CROCC: variants seen among roughly 807,000 people sequenced by gnomAD.
CROCC encodes the protein rootletin.
Under a neutral mutation model 245.2 loss-of-function variants are expected in CROCC, and 180 were observed. The ratio of observed to expected loss-of-function variants is 0.73; its 90% CI spans 0.65 to 0.83. The LOEUF (loss-of-function observed/expected upper bound fraction) is 0.83. Ranked by LOEUF, CROCC falls within the 40% of genes least tolerant of loss-of-function variation. CROCC has a pLI of 0.00. For missense variants in CROCC, 2,688 were observed against 2,779.4 expected (o/e 0.97, Z 0.74); for synonymous variants, 1,205 against 1,241.6 (o/e 0.97, Z 0.62).
At chr1:16,927,111 A>G (rs1171913081) in intron 3 of CROCC, among the ~76,000 whole-genome samples, 3 of 152,222 alleles carry the variant, frequency 2.0e-5, no homozygotes, top group Non-Finnish European at 4.4e-5. Context: ...CCCCACACAG[A>G]CACACAGATG....
At chr1:16,924,188 G>A (rs2075475784) in intron 2 of CROCC, 137 bp from the exon 3 acceptor site, 24 of 1,105,556 alleles carry the variant, frequency 2.2e-5, no homozygotes, top group Non-Finnish European at 3.1e-5. Flanking sequence ...TCTCAGCTCT[G>A]TTTGCAGGCC....
rs1383462663 is a variant in CROCC, at chr1:16,967,416, T to C, written c.4861-787T>C. Among the ~76,000 whole-genome samples the C allele has an allele frequency of 3.3e-5, 5 of 152,248 alleles. No individual in the cohort carries two copies. In the East Asian group the frequency reaches 7.7e-4, roughly 24 times the overall value. On this transcript the variant is annotated intron_variant, in intron 30 of 36. Coordinates refer to ENST00000375541, the MANE Select transcript of CROCC (RefSeq NM_014675.5). Reference sequence around the variant, plus strand: ...ACCCCCGCCCCCAAGGCCTCTGGCCTGGGGCCGAGCTTAGCTGGATTGTTG... The same window carrying C: ...ACCCCCGCCCCCAAGGCCTCTGGCCCGGGGCCGAGCTTAGCTGGATTGTTG...
chr1:16,968,807 T>G (rs1001685598), intron 31 of CROCC, among the ~76,000 whole-genome samples: 1 of 152,186 alleles, frequency 6.6e-6, no homozygotes, highest in African/African-American at 2.4e-5. Context: ...TTTAGGGTCG[T>G]GGTGGTTTCC....
chr1:16,923,508 C>T (rs1416497185), intron 2 of CROCC, among the ~76,000 whole-genome samples: 5 of 152,356 alleles, frequency 3.3e-5, no homozygotes, highest in East Asian at 1.9e-4. Context: ...TGGACAACCC[C>T]GCTTCTCCCG....
upstream of CROCC, among the ~76,000 whole-genome samples, chr1:16,917,986 C>T (rs1232537215): frequency 1.1e-5 from 1 of 89,732 alleles, no homozygotes; most frequent in African/African-American, 4.2e-5. Flanking sequence ...CCGTATCTGA[C>T]TGCAAGGGAG....
At chr1:16,947,232 T>C (rs930241303) in intron 17 of CROCC, among the ~76,000 whole-genome samples, 1 of 152,288 alleles carries the variant, frequency 6.6e-6, no homozygotes, top group African/African-American at 2.4e-5. Flanking sequence ...ATCCCAGCAC[T>C]TTGGGAGGCC....
chr1:16,969,845 G>A lies in CROCC; in HGVS notation c.5362G>A (p.Gly1788Ser). 1 of 1,613,274 alleles carries A rather than the reference G, an allele frequency of 6.2e-7. No individual in the cohort carries two copies. The highest frequency in any genetic ancestry group is 1.1e-5 in the South Asian group (1 of 90,996). The change falls in exon 33 of 37, where the codon GGC (glycine) becomes AGC (serine). Residue 1788 changes from glycine to serine, a missense_variant. This residue lies in a region of CROCC where 1,218 missense variants were observed against 1,286.3 expected (regional missense o/e 0.95). Coordinates refer to ENST00000375541, the MANE Select transcript of CROCC (RefSeq NM_014675.5). ...SEARKQSSSL[G>S]EQVQTLRGEV... ...GGCACGGAAGCAGAGCAGCTCCCTG[G>A]GCGAGCAGGTGCAGACGTTGCGAGG...
chr1:16,963,612 C>T (rs1383978875), intron 27 of CROCC, among the ~76,000 whole-genome samples: 7 of 152,080 alleles, frequency 4.6e-5, no homozygotes, highest in African/African-American at 7.2e-5. Flanking sequence ...GCAGGATGCT[C>T]ATGGCAGGAC....
chr1:16,946,806 G>C lies in CROCC; in HGVS notation c.2329G>C (p.Glu777Gln), dbSNP rs1157991663. 2 of 1,552,502 alleles carry C rather than the reference G, an allele frequency of 1.3e-6. No individual in the cohort carries two copies. Among genetic ancestry groups the C allele is most frequent in the Non-Finnish European group, 1.7e-6 (2 of 1,147,646 alleles). Residue 777 changes from glutamate to glutamine, a missense_variant, in exon 17 of 37, where the codon GAG becomes CAG. Transcript: ENST00000375541. ...CCTGCAGGGCCGGCAACGGCAGGCA[G>C]AGCAGGAGGCCACAGTGGCGCGGGA... ...SALQGRQRQAEQEATVAREEQ... is the reference protein window; with the variant it reads ...SALQGRQRQAQQEATVAREEQ...
intron 20 of CROCC, among the ~76,000 whole-genome samples, chr1:16,952,263 T>A (rs1256253208): frequency 6.6e-6 from 1 of 151,076 alleles, no homozygotes; most frequent in Non-Finnish European, 1.5e-5. Context: ...GGTGGGCAGA[T>A]CACCAGGTCG....
In CROCC at chr1:16,921,942, G is replaced by A. The variant is rs2075415260; in HGVS notation, c.-77G>A. On this transcript the variant is annotated 5_prime_UTR_variant, in exon 1 of 37. Coordinates refer to ENST00000375541, the MANE Select transcript of CROCC (RefSeq NM_014675.5). ...GCCTGGTGCTCAGCACAGCATCCTGGCTGTGGCGCGTGCTGACTGAGCTAG... is the reference window on the plus strand; with the variant it reads ...GCCTGGTGCTCAGCACAGCATCCTGACTGTGGCGCGTGCTGACTGAGCTAG... 4 of 1,404,292 alleles carry A rather than the reference G, an allele frequency of 2.8e-6. No homozygotes were observed. The highest frequency in any genetic ancestry group is 3.9e-6 in the Non-Finnish European group (4 of 1,013,144). The allele number at this position is 1,404,292 out of a possible 1,614,324, so 87.0% of individuals were successfully genotyped here.
In CROCC at chr1:16,969,131, G is replaced by T. The variant is rs760589400; in HGVS notation, c.5092G>T (p.Val1698Leu). ...CTCCTGCCAGGTGGCCGACAGCGAG[G>T]TGAAGGCAGGGACCCTGCAGCTGAC... ...SLQRQVADSE[V>L]KAGTLQLTVE... The change falls in exon 32 of 37, where the codon GTG becomes TTG. Residue 1698 changes from valine to leucine, a missense_variant. By Grantham distance (32) the Val-to-Leu change is conservative. Around this residue, in one of 9 missense-constraint regions of CROCC, gnomAD observed 1,218 missense variants for 1,286.3 expected, o/e 0.95. Coordinates refer to ENST00000375541, the MANE Select transcript of CROCC (RefSeq NM_014675.5). 28 of 1,604,160 alleles carry T rather than the reference G, an allele frequency of 1.7e-5. No individual in the cohort carries two copies. The South Asian group carries it at 2.9e-4, about 17-fold the overall frequency.
intron 19 of CROCC, among the ~76,000 whole-genome samples, chr1:16,949,391 G>A (rs1347630471): frequency 1.3e-5 from 2 of 152,152 alleles, no homozygotes; most frequent in African/African-American, 4.8e-5. Context: ...ACCTACTTGG[G>A]TCATGGAAAT....
At position 16,972,727 on chromosome 1, in the gene CROCC, CCCT is replaced by C; in HGVS notation, c.*282_*284del. ...GAGCCGTAGCCAGGATTGGGGAGAGCCCTTGTCTCTGGTCAGCCCTGGAGCATG... is the reference window on the plus strand; with the variant it reads ...GAGCCGTAGCCAGGATTGGGGAGAGCTGTCTCTGGTCAGCCCTGGAGCATG... On this transcript the variant is annotated 3_prime_UTR_variant, in exon 37 of 37. Transcript: ENST00000375541. 3.6e-6 allele frequency: 1 copy of C among 275,790 alleles called. No homozygotes were observed. The highest frequency in any genetic ancestry group is 6.8e-6 in the Non-Finnish European group (1 of 147,680). The allele number at this position is 275,790 out of a possible 1,614,324, so 17.1% of individuals were successfully genotyped here.
chr1:16,961,214 T>G (rs2076328346), intron 27 of CROCC, 84 bp downstream of exon 27: 4 of 1,209,784 alleles, frequency 3.3e-6, no homozygotes, highest in African/African-American at 3.2e-5. Flanking sequence ...GGTGTTTTTG[T>G]TTTTGTTTTT....
At chr1:16,916,014 A>G (rs1261110571) in intron 1 of CROCC, among the ~76,000 whole-genome samples, 1 of 152,264 alleles carries the variant, frequency 6.6e-6, no homozygotes, top group African/African-American at 2.4e-5. Flanking sequence ...CCTCATCTCT[A>G]CTAATACAAA....
Position 16,932,661 on chromosome 1 carries a change from AGGT to A in CROCC, c.956+1267_956+1269del, listed in dbSNP as rs558834731. ...GAGCAAGGCATGAGCAAAGGCATGG[AGGT>A]GGGAGCCCATGGCAGCCAGGGGGGT... On this transcript the variant is annotated intron_variant, in intron 8 of 36. Coordinates refer to ENST00000375541, the MANE Select transcript of CROCC (RefSeq NM_014675.5). 5.0e-3 allele frequency among the ~76,000 whole-genome samples: 766 copies of A among 152,190 alleles called. 1 individual carries two copies. The highest frequency in any genetic ancestry group is 7.9e-3 in the Non-Finnish European group (536 of 67,984).
At chr1:16,967,170 A>G (rs1307199786) in intron 30 of CROCC, among the ~76,000 whole-genome samples, 1 of 152,224 alleles carries the variant, frequency 6.6e-6, no homozygotes, top group East Asian at 1.9e-4. Context: ...ATTACGTCAC[A>G]GGGTGACACA....
In CROCC at chr1:16,972,634, C is replaced by G; in HGVS notation, c.*188C>G. 1 of 529,034 alleles carries G rather than the reference C, an allele frequency of 1.9e-6. No homozygotes were observed. Among genetic ancestry groups the G allele is most frequent in the South Asian group, 2.7e-5 (1 of 37,586 alleles). The allele number at this position is 529,034 out of a possible 1,614,324, so 32.8% of individuals were successfully genotyped here. A position where few individuals can be genotyped will look rare whatever the true frequency, so the allele number is the denominator to read the frequency against. ...GGCCTGGAGAGGCTTCCCAGCAACA[C>G]CTGCAGTCCAGCCCCCCTCTTCTAG... On this transcript the variant is annotated 3_prime_UTR_variant, in exon 37 of 37. Transcript: ENST00000375541.
Sources: gnomAD v4.1 joint callset for allele counts (sites outside exome capture counted in the v4.1 genomes callset) on GRCh38, gnomAD v4.1.1 for gene constraint, gnomAD v4.1.1 regional missense constraint, MANE v1.5 for transcripts, NCBI Gene and HGNC (gene_info 2026-07-23, HGNC 2026-07-21) for gene names.